The following CCL28 variants were observed in gnomAD, a reference collection of about 807,000 sequenced individuals.
CCL28 encodes C-C motif chemokine 28.
CCL28 carries 4 observed loss-of-function variants against 7.1 expected under a neutral mutation model. That is an observed-to-expected ratio of 0.56 (90% CI 0.28 to 1.29). CCL28 has a LOEUF of 1.29. CCL28 is among the 50% of genes most tolerant of loss of function. The pLI is 0.11. For synonymous variants in CCL28, 55 were observed against 57.8 expected, an observed-to-expected ratio of 0.95 and a Z score of 0.22; for missense variants, 151 against 163.4, an observed-to-expected ratio of 0.92 and a Z score of 0.41.
At chr5:43,378,700 C>T (rs756180160), downstream of CCL28, among the ~76,000 whole-genome samples, 4 of 152,170 alleles carry the variant, frequency 2.6e-5, no homozygotes, top group East Asian at 3.8e-4. Context: ...CGGTGGCTCA[C>T]GCCTGTTATC....
At chr5:43,368,512 A>G in the CCL28 span, among the ~76,000 whole-genome samples, 3 of 152,246 alleles carry the variant, frequency 2.0e-5, no homozygotes, top group Non-Finnish European at 4.4e-5. Context: ...TACTTTAAAG[A>G]AAACAACATT....
At chr5:43,392,487 A>G (rs917084417) in intron 1 of CCL28, among the ~76,000 whole-genome samples, 3 of 152,154 alleles carry the variant, frequency 2.0e-5, no homozygotes, top group African/African-American at 7.2e-5. Context: ...TTGGAGAACC[A>G]CCGTTCTTGA....
intron 1 of CCL28, among the ~76,000 whole-genome samples, chr5:43,401,697 C>T (rs1392798055): frequency 6.6e-6 from 1 of 152,182 alleles, no homozygotes; most frequent in Non-Finnish European, 1.5e-5. Context: ...GGCCAATATG[C>T]AGTACAGTCC....
chr5:43,367,016 C>T, the CCL28 span, among the ~76,000 whole-genome samples: 2 of 152,240 alleles, frequency 1.3e-5, no homozygotes, highest in African/African-American at 4.8e-5. Flanking sequence ...TGTGTTTACA[C>T]CGTGTTTGTG....
At position 43,388,478 on chromosome 5, in the gene CCL28, TA is replaced by T; in HGVS notation, c.65-3del. ...AGCTGGAGGCAATGGGAAGTATGGC[TA>T]AAAGAAGAAAAGAAAGAAAATGTTA... On this transcript the variant is annotated splice_polypyrimidine_tract_variant and splice_region_variant and intron_variant, in intron 1 of 2. Coordinates refer to ENST00000361115, the MANE Select transcript of CCL28 (RefSeq NM_148672.3). The T allele has an allele frequency of 6.2e-7, 1 of 1,613,182 alleles. No individual in the cohort carries two copies. The highest frequency in any genetic ancestry group is 8.5e-7 in the Non-Finnish European group (1 of 1,179,778).
chr5:43,411,742 T>G (rs1020678451), intron 1 of CCL28, among the ~76,000 whole-genome samples: 2 of 152,228 alleles, frequency 1.3e-5, no homozygotes, highest in Non-Finnish European at 2.9e-5. Flanking sequence ...CTGCCCTCCC[T>G]TTTTAAAGGT....
At chr5:43,398,078 C>G (rs565393967) in intron 1 of CCL28, among the ~76,000 whole-genome samples, 3 of 152,274 alleles carry the variant, frequency 2.0e-5, no homozygotes, top group South Asian at 2.1e-4. Context: ...AAGTGATTGT[C>G]ACATCAGTAA....
chr5:43,391,624 T>C (rs536033637), intron 1 of CCL28, among the ~76,000 whole-genome samples: 3 of 152,224 alleles, frequency 2.0e-5, no homozygotes, highest in African/African-American at 4.8e-5. Flanking sequence ...TTTTCCATAT[T>C]TGCCTTCAGT....
At chr5:43,406,790 C>CAA (rs1300174096) in intron 1 of CCL28, among the ~76,000 whole-genome samples, 3 of 152,192 alleles carry the variant, frequency 2.0e-5, no homozygotes, top group East Asian at 3.9e-4. Flanking sequence ...GCAACTTCAG[C>CAA]AGTCTCAGGA....
At chr5:43,398,866 A>T (rs1418317980) in intron 1 of CCL28, among the ~76,000 whole-genome samples, 1 of 152,064 alleles carries the variant, frequency 6.6e-6, no homozygotes. Context: ...AAAGAAGAGA[A>T]ATTACTTTCT....
intron 1 of CCL28, among the ~76,000 whole-genome samples, chr5:43,399,863 T>G (rs1050587357): frequency 3.2e-4 from 48 of 151,602 alleles, no homozygotes; most frequent in Middle Eastern, 3.4e-3. Context: ...TTTTTTTTTT[T>G]GGGAGACCGT....
chr5:43,382,135 T>A, intron 2 of CCL28, 83 bp from the exon 3 acceptor site: 1 of 1,209,278 alleles, frequency 8.3e-7, no homozygotes, highest in Non-Finnish European at 1.2e-6. Flanking sequence ...CAGCTCCCAC[T>A]TTGGGACACT....
intron 2 of CCL28, 116 bp from the exon 3 acceptor site, chr5:43,382,168 G>A (rs745582077): frequency 4.6e-6 from 4 of 874,676 alleles, no homozygotes; most frequent in Non-Finnish European, 6.7e-6. Flanking sequence ...ACTAAATTCA[G>A]ACTAAATTTC....
In CCL28 at chr5:43,412,287, G is replaced by A. The variant is rs1267736316; in HGVS notation, c.30C>T (p.Ala10=). 6.2e-7 allele frequency: 1 copy of A among 1,612,980 alleles called. No homozygotes were observed. Among genetic ancestry groups the A allele is most frequent in the Admixed American group, 1.7e-5 (1 of 59,968 alleles). The change falls in exon 1 of 3, where the codon GCC becomes GCT. Residue 10 remains alanine, a synonymous_variant. Transcript: ENST00000361115. ...CATGTAGGGCCGCACAGACAGCCAA[G>A]GCCACGATGGCGAGTCCTCTCTGCT... The part of the protein sequence containing the change: MQQRGLAIV[A]LAVCAALHAS...
intron 1 of CCL28, among the ~76,000 whole-genome samples, chr5:43,399,699 CT>C (rs1169464327): frequency 6.6e-6 from 1 of 152,102 alleles, no homozygotes; most frequent in African/African-American, 2.4e-5. Context: ...TTACACAGTG[CT>C]TTTCATAGGT....
At chr5:43,365,598 CT>C in the CCL28 span, among the ~76,000 whole-genome samples, 2 of 151,844 alleles carry the variant, frequency 1.3e-5, no homozygotes, top group Non-Finnish European at 2.9e-5. Context: ...GCATTTTTTC[CT>C]TCATTTCAAC....
the CCL28 span, among the ~76,000 whole-genome samples, chr5:43,368,813 GACAGAACCCTCCTTC>G: frequency 1.6e-4 from 24 of 152,070 alleles, no homozygotes; most frequent in Non-Finnish European, 3.4e-4. Flanking sequence ...AGAGGTGTGG[GACAGAACCCTCCTTC>G]ACAGCCCTTA....
chr5:43,395,268 C>T (rs962662591), intron 1 of CCL28, among the ~76,000 whole-genome samples: 7 of 151,372 alleles, frequency 4.6e-5, no homozygotes, highest in South Asian at 2.1e-4. Flanking sequence ...ATTTTATCCA[C>T]AATTTCTACT....
chr5:43,397,791 T>G (rs78055870), intron 1 of CCL28, among the ~76,000 whole-genome samples: 5,368 of 152,306 alleles, frequency 0.035, 255 homozygotes, highest in African/African-American at 0.11. Context: ...TATAACTTTT[T>G]GCTTAAATCA....
Sources: allele counts gnomAD v4.1 joint callset (sites outside exome capture counted in the v4.1 genomes callset), GRCh38; gene constraint gnomAD v4.1.1; transcripts MANE v1.5; gene names NCBI Gene and HGNC (gene_info 2026-07-23, HGNC 2026-07-21).